ZNF223: variants seen among roughly 807,000 people sequenced by gnomAD.
ZNF223 encodes the protein Homo sapiens zinc finger protein 223.
Under a neutral mutation model 12.3 loss-of-function variants are expected in ZNF223, and 9 were observed. The ratio of observed to expected loss-of-function variants is 0.73; its 90% CI spans 0.44 to 1.28. The LOEUF (loss-of-function observed/expected upper bound fraction) is 1.28. Ranked by LOEUF, ZNF223 falls within the 50% of genes most tolerant of loss-of-function variation. The pLI, the probability that ZNF223 is intolerant of heterozygous loss-of-function variation, is 0.00. For synonymous variants in ZNF223, 171 were observed against 195.2 expected (o/e 0.88, Z 1.03); for missense variants, 506 against 579.0 (o/e 0.87, Z 1.29).
chr19:44,057,512 A>C (rs1468565797), intron 2 of ZNF223, among the ~76,000 whole-genome samples: 1 of 152,234 alleles, frequency 6.6e-6, no homozygotes, highest in Non-Finnish European at 1.5e-5. Context: ...AGTAATAAGT[A>C]ATACCAGCTA....
At chr19:44,065,683 T>C (rs1976900754) in intron 4 of ZNF223, among the ~76,000 whole-genome samples, 1 of 151,276 alleles carries the variant, frequency 6.6e-6, no homozygotes, top group African/African-American at 2.4e-5. Flanking sequence ...GTTCAAGCAA[T>C]TCTCCTGCCT....
rs1004197548 is a variant in ZNF223 at position 44,060,840 on chromosome 19, A to G, written c.234A>G (p.Ser78=). ...TAGCAACCCAAAGGGAAGGGAATTC[A>G]GGTAAGAAGCACGCAACTGTGTGTC... ...MDIATQREGN[S]GGKIQPEMKT... The change falls in exon 4 of 5, where the codon TCA becomes TCG. Residue 78 remains serine (S), a splice_region_variant and synonymous_variant. Transcript: ENST00000434772. 6.2e-7 allele frequency: 1 copy of G among 1,611,746 alleles called. No individual in the cohort carries two copies. The highest frequency in any genetic ancestry group is 8.5e-7 in the Non-Finnish European group (1 of 1,178,512).
chr19:44,065,739 A>G (rs756561857), intron 4 of ZNF223, among the ~76,000 whole-genome samples: 2 of 151,720 alleles, frequency 1.3e-5, no homozygotes, highest in African/African-American at 2.4e-5. Flanking sequence ...CACCACACCT[A>G]GCTGATTTTT....
At position 44,066,415 on chromosome 19, in the gene ZNF223, G is replaced by GA; in HGVS notation, c.588dup (p.Val197SerfsTer9). 1.2e-6 allele frequency: 2 copies of GA among 1,612,966 alleles called. No homozygotes were observed. The highest frequency in any genetic ancestry group is 2.2e-5 in the South Asian group (2 of 90,980). On this transcript the variant is annotated frameshift_variant, in exon 5 of 5. Transcript: ENST00000434772. LOFTEE classifies it low-confidence loss of function (END_TRUNC). ...ATCTCAGCGCTTCATATTCATCAGA[G>GA]AGTCCACCTGGGAGAGAAACTCTTT... is the stretch of plus-strand genomic sequence containing the variant.
chr19:44,056,361 C>CAAAAAAAAAA (rs1227362311), intron 2 of ZNF223, among the ~76,000 whole-genome samples: 422 of 76,668 alleles, frequency 5.5e-3, no homozygotes, highest in Middle Eastern at 0.011. Flanking sequence ...ACTAAAAATA[C>CAAAAAAAAAA]AAAAAAAAAA....
chr19:44,063,657 CT>C (rs1350283027), intron 4 of ZNF223: 1 of 152,292 alleles, frequency 6.6e-6, no homozygotes, highest in Admixed American at 6.5e-5. Flanking sequence ...GGCTGGGCCC[CT>C]CTCCAAAGCA....
intron 2 of ZNF223, among the ~76,000 whole-genome samples, chr19:44,055,934 A>AGGAACAG (rs1446906880): frequency 1.3e-5 from 2 of 152,184 alleles, no homozygotes; most frequent in Non-Finnish European, 2.9e-5. Context: ...GAGGCAATCA[A>AGGAACAG]GGAACAGGAA....
intron 4 of ZNF223, among the ~76,000 whole-genome samples, chr19:44,062,252 G>A (rs1192684826): frequency 6.6e-6 from 1 of 152,182 alleles, no homozygotes; most frequent in East Asian, 1.9e-4. Context: ...AGCCAGAGAT[G>A]TTCAAGTTCC....
chr19:44,056,724 GCTGGGA>G (rs1976773663), intron 2 of ZNF223, among the ~76,000 whole-genome samples: 1 of 149,186 alleles, frequency 6.7e-6, no homozygotes, highest in Non-Finnish European at 1.5e-5. Context: ...CTCCCGAGTA[GCTGGGA>G]CTACAGGCGC....
At chr19:44,063,012 T>C (rs1333011426) in intron 4 of ZNF223, among the ~76,000 whole-genome samples, 1 of 152,236 alleles carries the variant, frequency 6.6e-6, no homozygotes, top group Admixed American at 6.5e-5. Context: ...AGGCTTTTTG[T>C]TTATTTTTAT....
In ZNF223 at chr19:44,066,559, G is replaced by T; in HGVS notation, c.731G>T (p.Arg244Ile). ...CAATGTGGGAGAGGCTTCAGATGTA[G>T]ATCAGCACTTACAGTTCATTGCAAA... is the stretch of plus-strand genomic sequence containing the variant. ...CEQCGRGFRC[R>I]SALTVHCKLH... Residue 244 changes from arginine to isoleucine, a missense_variant, in exon 5 of 5, where the codon AGA (arginine) becomes ATA (isoleucine). Physicochemically the swap from Arg to Ile is moderately conservative, Grantham distance 97. Transcript: ENST00000434772. The T allele has an allele frequency of 1.7e-5, 27 of 1,614,196 alleles. No homozygotes were observed. The highest frequency in any genetic ancestry group is 2.3e-5 in the Non-Finnish European group (27 of 1,180,022).
At chr19:44,066,038 G>A (rs1238628795) in intron 4 of ZNF223, 26 bp from the exon 5 acceptor site, 1 of 1,557,720 alleles carries the variant, frequency 6.4e-7, no homozygotes, top group East Asian at 2.2e-5. Context: ...AGCTTGTCCT[G>A]ATCTCTTAAT....
At position 44,060,578 on chromosome 19, in the gene ZNF223, G is replaced by A. The variant is rs1976824209; in HGVS notation, c.139G>A (p.Val47Met). ...GGAGAACTTCAGGAACCTGCTGTCAGTGGGTGAGGACAGGCATCTTCTATA... is the reference window on the plus strand; with the variant it reads ...GGAGAACTTCAGGAACCTGCTGTCAATGGGTGAGGACAGGCATCTTCTATA... ...MLENFRNLLS[V>M]GHQPFHRDTF... Residue 47 changes from valine to methionine, a missense_variant, in exon 3 of 5, where the codon GTG (valine) becomes ATG (methionine). Transcript: ENST00000434772. 6.2e-7 allele frequency: 1 copy of A among 1,614,016 alleles called. No homozygotes were observed. The highest frequency in any genetic ancestry group is 8.5e-7 in the Non-Finnish European group (1 of 1,180,010).
chr19:44,051,725 G>A (rs953104186), upstream of ZNF223: 2 of 152,220 alleles, frequency 1.3e-5, no homozygotes, highest in African/African-American at 4.8e-5. Context: ...TAAAGGGTGA[G>A]GTGATGGACA....
At chr19:44,054,271 C>T (rs1001330681) in intron 1 of ZNF223, among the ~76,000 whole-genome samples, 11 of 151,146 alleles carry the variant, frequency 7.3e-5, no homozygotes. Context: ...ATAACAAGGT[C>T]CAAGTGATGT....
In ZNF223 at chr19:44,066,077, A is replaced by G. The variant is rs143611198; in HGVS notation, c.249A>G (p.Gln83=). Residue 83 remains glutamine (Q), a synonymous_variant, in exon 5 of 5, where the codon CAA becomes CAG. Coordinates refer to ENST00000434772, the MANE Select transcript of ZNF223 (RefSeq NM_013361.6). ...GTATTCTGATAGGAGGCAAGATCCA[A>G]CCTGAGATGAAGACTTTTCCAGAAG... ...QREGNSGGKI[Q]PEMKTFPEAG... 1 of 1,595,636 alleles carries G rather than the reference A, an allele frequency of 6.3e-7. No individual in the cohort carries two copies. The highest frequency in any genetic ancestry group is 1.4e-5 in the African/African-American group (1 of 73,796).
rs760510814 is a variant in ZNF223 at position 44,052,121 on chromosome 19, G to A, written c.-143G>A. The A allele has an allele frequency of 6.5e-6, 1 of 153,962 alleles. No individual in the cohort carries two copies. The highest frequency in any genetic ancestry group is 2.4e-5 in the African/African-American group (1 of 41,482). The allele number at this position is 153,962 out of a possible 1,614,324, so 9.5% of individuals were successfully genotyped here. A position where few individuals can be genotyped will look rare whatever the true frequency, so the allele number is the denominator to read the frequency against. On this transcript the variant is annotated 5_prime_UTR_variant, in exon 1 of 5. Coordinates refer to ENST00000434772, the MANE Select transcript of ZNF223 (RefSeq NM_013361.6). The stretch of plus-strand genomic sequence containing the variant: ...CATTTTGAACGAACCCCCTTTGCTT[G>A]AGGCTCGCAACCACCCGATGATCGA...
At position 44,066,310 on chromosome 19, in the gene ZNF223, C is replaced by A. The variant is rs1428507311; in HGVS notation, c.482C>A (p.Ser161Tyr). ...GKCKQSFSDM[S>Y]IFDLPQQIRS... ...TGTAAACAATCCTTCAGTGATATGT[C>A]CATCTTTGATCTTCCTCAGCAAATA... Residue 161 changes from serine (S) to tyrosine (Y), a missense_variant, in exon 5 of 5, where the codon TCC becomes TAC. Ser to Tyr is a moderately radical substitution (Grantham distance 144, BLOSUM62 -2). Transcript: ENST00000434772. 1 of 1,614,198 alleles carries A rather than the reference C, an allele frequency of 6.2e-7. No individual in the cohort carries two copies. Among genetic ancestry groups the A allele is most frequent in the Non-Finnish European group, 8.5e-7 (1 of 1,180,044 alleles).
At chr19:44,059,162 G>T (rs1019607349) in intron 2 of ZNF223, among the ~76,000 whole-genome samples, 4 of 152,224 alleles carry the variant, frequency 2.6e-5, no homozygotes, top group African/African-American at 9.6e-5. Context: ...GTTGCATAAG[G>T]TCAGTTCCCC....
Sources: allele counts gnomAD v4.1 joint callset (sites outside exome capture counted in the v4.1 genomes callset), GRCh38; gene constraint gnomAD v4.1.1; transcripts MANE v1.5; gene names NCBI Gene and HGNC (gene_info 2026-07-23, HGNC 2026-07-21).